RAP1A: variants seen among roughly 807,000 people sequenced by gnomAD.
RAP1A encodes the protein ras-related protein Rap-1A.
A neutral mutation model predicts 26.4 loss-of-function variants in RAP1A; 6 were observed. The observed-to-expected ratio is 0.23, with a 90% CI of 0.12 to 0.45. The LOEUF (loss-of-function observed/expected upper bound fraction) is 0.45, where lower values mean the gene tolerates loss of function less well. Ranked by LOEUF, RAP1A falls within the 20% of genes least tolerant of loss-of-function variation. The pLI is 0.99. For synonymous variants in RAP1A, 73 were observed against 79.4 expected, an observed-to-expected ratio of 0.92 and a Z score of 0.43; for missense variants, 121 against 217.2, an observed-to-expected ratio of 0.56 and a Z score of 2.78.
chr1:111,689,756 G>A (rs967897777), intron 1 of RAP1A, among the ~76,000 whole-genome samples: 49 of 152,026 alleles, frequency 3.2e-4, no homozygotes, highest in African/African-American at 1.1e-3. Context: ...TGCAAGCTCC[G>A]TCTCCCGGGT....
chr1:111,647,039 T>C (rs1431424406), intron 1 of RAP1A, among the ~76,000 whole-genome samples: 1 of 152,134 alleles, frequency 6.6e-6, no homozygotes, highest in African/African-American at 2.4e-5. Context: ...AGATCAGGGG[T>C]CTCCAACCCC....
intron 1 of RAP1A, among the ~76,000 whole-genome samples, chr1:111,600,914 A>G (rs930398577): frequency 6.6e-6 from 1 of 152,234 alleles, no homozygotes; most frequent in Non-Finnish European, 1.5e-5. Context: ...GAAAAAAGAA[A>G]CTATACATTC....
intron 1 of RAP1A, among the ~76,000 whole-genome samples, chr1:111,620,247 C>T (rs1215491001): frequency 6.6e-6 from 1 of 152,226 alleles, no homozygotes; most frequent in Non-Finnish European, 1.5e-5. Flanking sequence ...ATTGTGTCCC[C>T]CACCCTTCAG....
chr1:111,639,641 A>G (rs1659836504), intron 1 of RAP1A, among the ~76,000 whole-genome samples: 1 of 151,166 alleles, frequency 6.6e-6, no homozygotes, highest in Non-Finnish European at 1.5e-5. Flanking sequence ...GAGTTAGTTT[A>G]CCTTTGTAAT....
At chr1:111,578,175 G>A (rs1053309464) in intron 1 of RAP1A, among the ~76,000 whole-genome samples, 4 of 152,186 alleles carry the variant, frequency 2.6e-5, no homozygotes, top group African/African-American at 9.7e-5. Flanking sequence ...GTATTCTAGA[G>A]TGTGTGTGTT....
intron 1 of RAP1A, among the ~76,000 whole-genome samples, chr1:111,681,214 C>T (rs1026330451): frequency 1.3e-5 from 2 of 152,194 alleles, no homozygotes; most frequent in African/African-American, 4.8e-5. Context: ...TGTCATTGCA[C>T]TCCAGCCTGG....
Position 111,674,596 on chromosome 1 carries a change from A to G in RAP1A, c.-27-16738A>G, listed in dbSNP as rs1411218854. Among the ~76,000 whole-genome samples the G allele has an allele frequency of 1.3e-5, 2 of 152,120 alleles. 1 individual carries two copies. The highest frequency in any genetic ancestry group is 4.1e-4 in the South Asian group (2 of 4,828). On this transcript the variant is annotated intron_variant, in intron 1 of 7. Coordinates refer to ENST00000369709, the MANE Select transcript of RAP1A (RefSeq NM_002884.4). ...ACCTTTACTTGTTCTTCCCATAGGA[A>G]TCTCATAGTTAATTTTTGGAAGAAA...
Position 111,669,040 on chromosome 1 carries a change from A to AAAAAAAAAG in RAP1A, c.-27-22290_-27-22282dup, listed in dbSNP as rs1553223130. On this transcript the variant is annotated intron_variant, in intron 1 of 7. Transcript: ENST00000369709. ...CCCTATCTCAAGAAAAAAAAAAAAAAAAAAAAAAGAAAGAAAAGAAATGTA... is the reference window on the plus strand; with the variant it reads ...CCCTATCTCAAGAAAAAAAAAAAAAAAAAAAAAAGAAAAAAAAGAAAGAAAAGAAATGTA... Among the ~76,000 whole-genome samples the AAAAAAAAAG allele has an allele frequency of 5.0e-3, 706 of 139,864 alleles. 1 individual carries two copies. Among genetic ancestry groups the AAAAAAAAAG allele is most frequent in the Non-Finnish European group, 6.2e-3 (404 of 65,474 alleles). The allele number at this position is 139,864 out of a possible 152,430, so 91.8% of individuals were successfully genotyped here. A position where few individuals can be genotyped will look rare whatever the true frequency, so the allele number is the denominator to read the frequency against.
At position 111,715,964 on chromosome 1, in the gene RAP1A, T is replaced by C. The variant is rs1662529037; in HGVS notation, c.*3563T>C. 1 of 152,270 alleles carries C rather than the reference T, an allele frequency of 6.6e-6. No homozygotes were observed. Among genetic ancestry groups the C allele is most frequent in the Admixed American group, 6.5e-5 (1 of 15,288 alleles). The allele number at this position is 152,270 out of a possible 1,614,324, so 9.4% of individuals were successfully genotyped here. ...AGAGAAATAAGGAATACCTTGGTAT[T>C]TTCCTTTGCAAGCAATCACAGCAGA... On this transcript the variant is annotated 3_prime_UTR_variant, in exon 8 of 8. Transcript: ENST00000369709.
At position 111,579,641 on chromosome 1, in the gene RAP1A, G is replaced by C. The variant is rs548091701; in HGVS notation, c.-28+37132G>C. On this transcript the variant is annotated intron_variant, in intron 1 of 7. Transcript: ENST00000356415. ...GTTGTAAGATGAAAATATCAACTAA[G>C]TCAAAAATGTATTTAACACACCTAA... is the stretch of plus-strand genomic sequence containing the variant. Among the ~76,000 whole-genome samples the C allele has an allele frequency of 7.8e-4, 118 of 152,074 alleles. 3 individuals are homozygous for C. Among genetic ancestry groups the C allele is most frequent in the Non-Finnish European group, 1.3e-4 (9 of 68,024 alleles).
chr1:111,566,365 G>C (rs1056012564), intron 1 of RAP1A, among the ~76,000 whole-genome samples: 2 of 152,150 alleles, frequency 1.3e-5, no homozygotes, highest in Non-Finnish European at 2.9e-5. Context: ...TCATTGGATA[G>C]GTATGAAGAA....
rs1164016425 is a variant in RAP1A, at chr1:111,594,517, G to A, written c.-28+52008G>A. ...GAAGGACAGATGGAAGGAAGGAAGG[G>A]GAAGGGGAAAGGGAAGAAGGAAGGA... On this transcript the variant is annotated intron_variant, in intron 1 of 7. Transcript: ENST00000356415. 2.4e-5 allele frequency among the ~76,000 whole-genome samples: 3 copies of A among 125,594 alleles called. No homozygotes were observed. In the East Asian group the frequency reaches 6.7e-4, roughly 28 times the overall value. The allele number at this position is 125,594 out of a possible 152,430, so 82.4% of individuals were successfully genotyped here.
chr1:111,558,540 T>C (rs1017998285), intron 1 of RAP1A, among the ~76,000 whole-genome samples: 1 of 152,088 alleles, frequency 6.6e-6, no homozygotes, highest in South Asian at 2.1e-4. Flanking sequence ...ATTTATAAGG[T>C]GAACACTCAG....
intron 6 of RAP1A, among the ~76,000 whole-genome samples, chr1:111,708,509 A>G (rs1395903567): frequency 2.6e-5 from 4 of 152,232 alleles, no homozygotes; most frequent in African/African-American, 9.6e-5. Context: ...GTGAGAGGAA[A>G]TAAACTGCAA....
chr1:111,606,209 T>C (rs1325465854), intron 1 of RAP1A, among the ~76,000 whole-genome samples: 1 of 152,208 alleles, frequency 6.6e-6, no homozygotes, highest in Non-Finnish European at 1.5e-5. Flanking sequence ...TGAATCTATT[T>C]AACTTTTATA....
chr1:111,707,183 T>C (rs1202309037), intron 6 of RAP1A, among the ~76,000 whole-genome samples: 1 of 152,196 alleles, frequency 6.6e-6, no homozygotes, highest in Non-Finnish European at 1.5e-5. Context: ...GAAAAGAATT[T>C]AAATGAGTCA....
chr1:111,623,741 A>G (rs898006040), intron 1 of RAP1A, among the ~76,000 whole-genome samples: 1 of 152,156 alleles, frequency 6.6e-6, no homozygotes, highest in Admixed American at 6.5e-5. Flanking sequence ...TATTTGGTTT[A>G]TAGGGGATGA....
chr1:111,681,225 A>G (rs1661282967), intron 1 of RAP1A, among the ~76,000 whole-genome samples: 1 of 152,176 alleles, frequency 6.6e-6, no homozygotes, highest in Non-Finnish European at 1.5e-5. Flanking sequence ...TCCAGCCTGG[A>G]CAACAGAGTG....
At chr1:111,597,163 T>C (rs1414052310) in intron 1 of RAP1A, among the ~76,000 whole-genome samples, 1 of 152,200 alleles carries the variant, frequency 6.6e-6, no homozygotes, top group Non-Finnish European at 1.5e-5. Flanking sequence ...GTCACAAGCA[T>C]GAAGCCATCT....
Sources: gnomAD v4.1 joint callset for allele counts (sites outside exome capture counted in the v4.1 genomes callset) on GRCh38, gnomAD v4.1.1 for gene constraint, MANE v1.5 for transcripts, NCBI Gene and HGNC (gene_info 2026-07-23, HGNC 2026-07-21) for gene names.